The following ATE1 variants were observed in gnomAD, a reference collection of about 807,000 sequenced individuals.
ATE1 encodes the protein arginyltransferase 1, also known as arginyl-tRNA--protein transferase 1.
ATE1 carries 36 observed loss-of-function variants against 70.5 expected under a neutral mutation model. The ratio of observed to expected loss-of-function variants is 0.51; its 90% confidence interval spans 0.39 to 0.67. ATE1 has a LOEUF of 0.67. Ranked by LOEUF, ATE1 falls within the 30% of genes least tolerant of loss-of-function variation. The pLI is 0.00. For synonymous variants in ATE1, 232 were observed against 219.3 expected, an observed-to-expected ratio of 1.06 and a Z score of -0.51; for missense variants, 593 against 629.5, an observed-to-expected ratio of 0.94 and a Z score of 0.62.
At chr10:121,903,524 T>C (rs367859723) in intron 5 of ATE1, among the ~76,000 whole-genome samples, 84 of 151,936 alleles carry the variant, frequency 5.5e-4, no homozygotes, top group African/African-American at 1.4e-3. Flanking sequence ...CCATTTCTAC[T>C]AAAAATACAA....
At chr10:121,745,483 A>G (rs371455928) in intron 11 of ATE1, among the ~76,000 whole-genome samples, 112 of 152,204 alleles carry the variant, frequency 7.4e-4, no homozygotes, top group African/African-American at 1.5e-3. Context: ...TTGGGAGGCC[A>G]AGGTGGGCAA....
chr10:121,886,929 A>G (rs1161286497), intron 7 of ATE1, among the ~76,000 whole-genome samples: 1 of 152,224 alleles, frequency 6.6e-6, no homozygotes, highest in Non-Finnish European at 1.5e-5. Context: ...ATAAGTTACT[A>G]CTTTCATATA....
chr10:121,903,680 CTG>C (rs1951074446), intron 5 of ATE1, among the ~76,000 whole-genome samples: 1 of 151,848 alleles, frequency 6.6e-6, no homozygotes, highest in Non-Finnish European at 1.5e-5. Context: ...GAGTGAGACT[CTG>C]TCTCAAAAAA....
intron 11 of ATE1, among the ~76,000 whole-genome samples, chr10:121,784,377 A>G (rs1168883914): frequency 6.6e-6 from 1 of 152,264 alleles, no homozygotes; most frequent in African/African-American, 2.4e-5. Context: ...GCAAACAAGT[A>G]AAACATTATA....
At chr10:121,789,676 G>A (rs1435546163) in intron 11 of ATE1, among the ~76,000 whole-genome samples, 1 of 152,054 alleles carries the variant, frequency 6.6e-6, no homozygotes, top group Non-Finnish European at 1.5e-5. Flanking sequence ...ACAAAATATG[G>A]CTGGGACTAT....
intron 11 of ATE1, among the ~76,000 whole-genome samples, chr10:121,767,584 T>C (rs1414278433): frequency 6.6e-6 from 1 of 152,218 alleles, no homozygotes; most frequent in Non-Finnish European, 1.5e-5. Flanking sequence ...TCACATCTGA[T>C]AAAATTAATA....
At chr10:121,747,377 C>G (rs1305916750) in intron 11 of ATE1, among the ~76,000 whole-genome samples, 1 of 152,196 alleles carries the variant, frequency 6.6e-6, no homozygotes, top group Non-Finnish European at 1.5e-5. Context: ...CTCAGCTGGT[C>G]TCCAACTGGG....
At chr10:121,873,430 C>A (rs1949928483) in intron 7 of ATE1, among the ~76,000 whole-genome samples, 3 of 152,094 alleles carry the variant, frequency 2.0e-5, no homozygotes, top group Admixed American at 2.0e-4. Context: ...AGCCTGGTAC[C>A]ATTGTTCTAT....
chr10:121,924,028 C>A (rs1951984023), intron 2 of ATE1, among the ~76,000 whole-genome samples: 1 of 152,198 alleles, frequency 6.6e-6, no homozygotes, highest in Non-Finnish European at 1.5e-5. Flanking sequence ...ACGTTAATAA[C>A]TGCTGAAGCT....
rs113077743 is a variant in ATE1, at chr10:121,743,223, A to G, written c.*457T>C. On this transcript the variant is annotated 3_prime_UTR_variant, in exon 12 of 12. Coordinates refer to ENST00000224652, the MANE Select transcript of ATE1 (RefSeq NM_001001976.3). ...CACAGTTTTGTTCTTGAGAAGACATATTTTCTAAGTGATGAAATGAACTTT... is the reference window on the plus strand; with the variant it reads ...CACAGTTTTGTTCTTGAGAAGACATGTTTTCTAAGTGATGAAATGAACTTT... 1,582 of 152,984 alleles carry G rather than the reference A, an allele frequency of 0.01. 13 individuals carry two copies. The highest frequency in any genetic ancestry group is 0.028 in the African/African-American group (1,144 of 41,574). The allele number at this position is 152,984 out of a possible 1,614,324, so 9.5% of individuals were successfully genotyped here.
chr10:121,835,088 C>T (rs1019685230), intron 10 of ATE1, among the ~76,000 whole-genome samples: 6 of 152,048 alleles, frequency 3.9e-5, no homozygotes, highest in African/African-American at 9.7e-5. Context: ...TTAGGCAAAA[C>T]GGAAATATGC....
At chr10:121,774,534 A>T (rs924804485) in intron 11 of ATE1, among the ~76,000 whole-genome samples, 4 of 152,220 alleles carry the variant, frequency 2.6e-5, no homozygotes, top group East Asian at 1.9e-4. Flanking sequence ...TAAGGTCAGT[A>T]CAGATGGCAG....
intron 10 of ATE1, among the ~76,000 whole-genome samples, chr10:121,832,307 T>A (rs1473393183): frequency 6.6e-6 from 1 of 152,206 alleles, no homozygotes; most frequent in African/African-American, 2.4e-5. Flanking sequence ...AGAGACTTTT[T>A]TTGTCCTAAA....
chr10:121,889,138 C>T (rs1021381642), intron 7 of ATE1, among the ~76,000 whole-genome samples: 9 of 152,044 alleles, frequency 5.9e-5, no homozygotes, highest in African/African-American at 2.2e-4. Context: ...TTTAGCTTCC[C>T]GAGTAGCAAT....
At chr10:121,748,135 T>C (rs1280035685) in intron 11 of ATE1, among the ~76,000 whole-genome samples, 1 of 152,234 alleles carries the variant, frequency 6.6e-6, no homozygotes, top group Non-Finnish European at 1.5e-5. Flanking sequence ...TTATACAGAA[T>C]GATGCTTAAC....
intron 10 of ATE1, among the ~76,000 whole-genome samples, chr10:121,802,599 G>A (rs760232396): frequency 9.2e-5 from 14 of 152,002 alleles, no homozygotes; most frequent in African/African-American, 1.7e-4. Flanking sequence ...GTGAGCCACC[G>A]CACCTGGCCC....
intron 7 of ATE1, among the ~76,000 whole-genome samples, chr10:121,887,857 A>G (rs974635902): frequency 1.3e-5 from 2 of 152,238 alleles, no homozygotes; most frequent in East Asian, 3.8e-4. Flanking sequence ...TCTTCTTTAC[A>G]GAGAGAAAGA....
At chr10:121,928,051 C>T, upstream of ATE1, 1 of 1,225,480 alleles carries the variant, frequency 8.2e-7, no homozygotes. Context: ...CCTCCCGAGG[C>T]TCGCGCGAAG....
intron 10 of ATE1, among the ~76,000 whole-genome samples, chr10:121,791,365 A>T (rs1249747397): frequency 6.6e-6 from 1 of 152,020 alleles, no homozygotes; most frequent in African/African-American, 2.4e-5. Context: ...AAGTGCTGGG[A>T]TTACAGGCAT....
Sources: gnomAD v4.1 joint callset for allele counts (sites outside exome capture counted in the v4.1 genomes callset) on GRCh38, gnomAD v4.1.1 for gene constraint, MANE v1.5 for transcripts, NCBI Gene and HGNC (gene_info 2026-07-23, HGNC 2026-07-21) for gene names.